WDR33: variants seen among roughly 807,000 people sequenced by gnomAD.
WDR33 encodes WD repeat domain 33.
A neutral mutation model predicts 164.9 loss-of-function variants in WDR33; 47 were observed. That is an observed-to-expected ratio of 0.29 (90% CI 0.23 to 0.36). WDR33 has a LOEUF of 0.36. Among genes scored for constraint, WDR33 ranks in the 10% least tolerant of loss-of-function variants. The probability of loss-of-function intolerance (pLI) is 1.00; values close to 1 mark genes in which losing one functional copy is unlikely to be tolerated. For missense variants in WDR33, 1,137 were observed against 1,754.1 expected (o/e 0.65, Z 6.28); for synonymous variants, 505 against 589.0 (o/e 0.86, Z 2.06).
intron 7 of WDR33, among the ~76,000 whole-genome samples, chr2:127,744,559 A>G (rs1461188136): frequency 1.3e-5 from 2 of 152,226 alleles, no homozygotes; most frequent in Non-Finnish European, 2.9e-5. Flanking sequence ...AAAGATATAC[A>G]CCAAGCTTCA....
chr2:127,733,234 A>T (rs1331266931), intron 7 of WDR33, among the ~76,000 whole-genome samples: 2 of 152,310 alleles, frequency 1.3e-5, no homozygotes, highest in South Asian at 4.1e-4. Flanking sequence ...TCCGAACAGC[A>T]CCAAATCTGC....
chr2:127,778,016 G>A (rs757650339), intron 1 of WDR33, among the ~76,000 whole-genome samples: 6 of 152,180 alleles, frequency 3.9e-5, no homozygotes, highest in South Asian at 2.1e-4. Context: ...AAAATGAGCC[G>A]GGTGTGGTGG....
chr2:127,701,460 A>G lies in WDR33; in HGVS notation c.*4863T>C, dbSNP rs923760335. On this transcript the variant is annotated 3_prime_UTR_variant, in exon 22 of 22. Transcript: ENST00000322313. ...GTCGCCGACCAATTGCCGCCCGAAG[A>G]CCGAACCGCTTCAGCGGAGGGCCGG... The G allele has an allele frequency of 1.6e-6, 2 of 1,234,522 alleles. No individual in the cohort carries two copies. Among genetic ancestry groups the G allele is most frequent in the Non-Finnish European group, 2.0e-6 (2 of 984,842 alleles). The allele number at this position is 1,234,522 out of a possible 1,614,324, so 76.5% of individuals were successfully genotyped here.
At chr2:127,732,108 AACACACACACACACACACACACACAC>A (rs71394692) in intron 7 of WDR33, among the ~76,000 whole-genome samples, 8 of 138,122 alleles carry the variant, frequency 5.8e-5, no homozygotes, top group African/African-American at 1.1e-4. Context: ...CAACATATAC[AACACACACACACACACACACACACAC>A]ACACACACAC....
intron 4 of WDR33, among the ~76,000 whole-genome samples, chr2:127,766,249 AT>A (rs1387428734): frequency 8.5e-5 from 13 of 152,186 alleles, no homozygotes; most frequent in Non-Finnish European, 1.5e-5. Context: ...CAACAATCCT[AT>A]TTTCCAAAAA....
chr2:127,729,758 G>T (rs1162009941), intron 7 of WDR33, among the ~76,000 whole-genome samples: 2 of 152,198 alleles, frequency 1.3e-5, no homozygotes, highest in Non-Finnish European at 2.9e-5. Context: ...GCCTCCCAAA[G>T]TGTTGGGATT....
At chr2:127,747,115 G>C (rs1277432200) in intron 7 of WDR33, among the ~76,000 whole-genome samples, 2 of 152,156 alleles carry the variant, frequency 1.3e-5, no homozygotes, top group African/African-American at 4.8e-5. Flanking sequence ...TTAACCAAGA[G>C]AATACACCAC....
chr2:127,801,102 A>AG (rs1186723054), intron 1 of WDR33, among the ~76,000 whole-genome samples: 7 of 121,736 alleles, frequency 5.8e-5, no homozygotes, highest in South Asian at 2.8e-4. Flanking sequence ...CCCTGTCTCT[A>AG]GGAAAAAAAA....
Position 127,770,658 on chromosome 2 carries a change from T to G in WDR33, c.204+120A>C. ...GTGAGCCAAAACCACACCACTGCAC[T>G]CTGGCCTGGGCAACAAGAAAGAAAC... On this transcript the variant is annotated intron_variant, in intron 2 of 21. Coordinates refer to ENST00000322313, the MANE Select transcript of WDR33 (RefSeq NM_018383.5). The surrounding 1 kb of genome is among the most constrained non-coding windows in gnomAD (Gnocchi z 4.9). 1.4e-6 allele frequency: 1 copy of G among 736,606 alleles called. No individual in the cohort carries two copies. The highest frequency in any genetic ancestry group is 1.8e-6 in the Non-Finnish European group (1 of 546,340). The allele number at this position is 736,606 out of a possible 1,614,324, so 45.6% of individuals were successfully genotyped here.
At chr2:127,776,484 C>T (rs947750161) in intron 1 of WDR33, among the ~76,000 whole-genome samples, 3 of 152,098 alleles carry the variant, frequency 2.0e-5, no homozygotes, top group African/African-American at 4.8e-5. Flanking sequence ...TTTGGGAGGC[C>T]GATACAGGTG....
In WDR33 at chr2:127,765,284, AAGAC is replaced by A. The variant is rs2105436393; in HGVS notation, c.379-19_379-16del. 1 of 1,602,582 alleles carries A rather than the reference AAGAC, an allele frequency of 6.2e-7. No individual in the cohort carries two copies. Among genetic ancestry groups the A allele is most frequent in the Non-Finnish European group, 8.5e-7 (1 of 1,171,332 alleles). On this transcript the variant is annotated splice_polypyrimidine_tract_variant and intron_variant, in intron 4 of 21. Transcript: ENST00000322313. ...TCTGGAGTCCACTAAGGGAGAAAAAAAGACAGGTTATACATCCTCCAACTTCACT... is the reference window on the plus strand; with the variant it reads ...TCTGGAGTCCACTAAGGGAGAAAAAAAGGTTATACATCCTCCAACTTCACT...
At chr2:127,774,687 A>G (rs577611349) in intron 1 of WDR33, among the ~76,000 whole-genome samples, 114 of 152,130 alleles carry the variant, frequency 7.5e-4, no homozygotes, top group African/African-American at 2.6e-3. Context: ...AAAATTAGCC[A>G]GGCGTGGTGG....
rs1482246451 is a variant in WDR33 at position 127,702,630 on chromosome 2, A to C, written c.*3693T>G. ...TTGGCTATACTAAGACTTGGAAATT[A>C]TTCTCTCCAGTGTCAGCGAATCCAG... On this transcript the variant is annotated 3_prime_UTR_variant, in exon 22 of 22. Transcript: ENST00000322313. 1 of 167,260 alleles carries C rather than the reference A, an allele frequency of 6.0e-6. No individual in the cohort carries two copies. Among genetic ancestry groups the C allele is most frequent in the Non-Finnish European group, 1.5e-5 (1 of 68,248 alleles). The allele number at this position is 167,260 out of a possible 1,614,324, so 10.4% of individuals were successfully genotyped here.
chr2:127,754,935 T>C (rs1255003195), intron 7 of WDR33, among the ~76,000 whole-genome samples: 1 of 152,184 alleles, frequency 6.6e-6, no homozygotes. Flanking sequence ...TTCTTCATGA[T>C]TTCCAGACCA....
intron 1 of WDR33, among the ~76,000 whole-genome samples, chr2:127,783,251 T>C (rs982380930): frequency 5.9e-5 from 9 of 152,250 alleles, no homozygotes; most frequent in Non-Finnish European, 1.3e-4. Context: ...GGCATTTACA[T>C]TCAGTTTTCT....
Position 127,721,807 on chromosome 2 carries a change from T to G in WDR33, c.1671+29A>C, listed in dbSNP as rs1318580024. ...TCACCACTACCCTCTTAGATCATCT[T>G]GAATTCCCCCCTACAGAGCTTCACA... is the stretch of plus-strand genomic sequence containing the variant. On this transcript the variant is annotated intron_variant, in intron 15 of 21. Transcript: ENST00000322313. The surrounding 1 kb of genome is among the most constrained non-coding windows in gnomAD (Gnocchi z 4.9). 6.3e-7 allele frequency: 1 copy of G among 1,583,838 alleles called. No individual in the cohort carries two copies. The highest frequency in any genetic ancestry group is 8.6e-7 in the Non-Finnish European group (1 of 1,168,252).
intron 1 of WDR33, among the ~76,000 whole-genome samples, chr2:127,798,051 T>C (rs763705465): frequency 3.3e-5 from 5 of 151,970 alleles, no homozygotes; most frequent in Non-Finnish European, 7.4e-5. Context: ...ATTTCCAAAA[T>C]TCCTTTCTTA....
intron 1 of WDR33, among the ~76,000 whole-genome samples, chr2:127,810,087 T>C (rs1025615505): frequency 3.8e-4 from 58 of 152,130 alleles, no homozygotes; most frequent in African/African-American, 4.8e-5. Context: ...TATATGTATA[T>C]ATAGCATGCA....
chr2:127,775,377 C>T (rs565685534), intron 1 of WDR33, among the ~76,000 whole-genome samples: 2 of 152,206 alleles, frequency 1.3e-5, no homozygotes, highest in East Asian at 1.9e-4. Flanking sequence ...TTAATAGAGC[C>T]GGGGTTTTGC....
Sources: allele counts gnomAD v4.1 joint callset (sites outside exome capture counted in the v4.1 genomes callset), GRCh38; gene constraint gnomAD v4.1.1; non-coding constraint Gnocchi (gnomAD v3.1); transcripts MANE v1.5; gene names NCBI Gene and HGNC (gene_info 2026-07-23, HGNC 2026-07-21).